Variants in KLF16 observed in about 807,000 individuals in gnomAD.
The protein encoded by KLF16 is KLF transcription factor 16, also known as Krueppel-like factor 16.
A neutral mutation model predicts 6.1 loss-of-function variants in KLF16; 6 were observed. The ratio of observed to expected loss-of-function variants is 0.98; its 90% CI spans 0.54 to 1.93. The LOEUF is 1.93. Among genes scored for constraint, KLF16 ranks in the 30% most tolerant of loss-of-function variants. The pLI is 0.01. For missense variants in KLF16, 355 were observed against 363.8 expected (o/e 0.98, Z 0.20); for synonymous variants, 211 against 176.5 (o/e 1.20, Z -1.55).
upstream of KLF16, among the ~76,000 whole-genome samples, chr19:1,867,740 G>A (rs998982519): frequency 6.6e-6 from 1 of 152,108 alleles, no homozygotes; most frequent in Non-Finnish European, 1.5e-5. Context: ...GTGGGGGGCC[G>A]CCTGTAATCC....
At chr19:1,861,647 TC>T (rs1038973399) in intron 1 of KLF16, 10 of 152,292 alleles carry the variant, frequency 6.6e-5, no homozygotes, top group African/African-American at 2.4e-4. Context: ...GGGCAGAGCC[TC>T]CAGGCCCCTG....
chr19:1,857,970 G>A lies in KLF16; in HGVS notation c.458-3210C>T, dbSNP rs1216523810. On this transcript the variant is annotated intron_variant, in intron 1 of 1. Transcript: ENST00000250916. The surrounding 1 kb of genome is among the most constrained non-coding windows in gnomAD (Gnocchi z 4.7). Reference sequence around the variant, plus strand: ...CCTGCCAGCCTGGGGGTGGGGTCTCGAATACTACTGGGCCATAGCAACCCC... The same window carrying A: ...CCTGCCAGCCTGGGGGTGGGGTCTCAAATACTACTGGGCCATAGCAACCCC... 1.3e-5 allele frequency among the ~76,000 whole-genome samples: 2 copies of A among 151,936 alleles called. No individual in the cohort carries two copies. The highest frequency in any genetic ancestry group is 2.1e-4 in the South Asian group (1 of 4,824).
chr19:1,869,558 C>T, the KLF16 span, among the ~76,000 whole-genome samples: 1 of 152,228 alleles, frequency 6.6e-6, no homozygotes, highest in Non-Finnish European at 1.5e-5. Flanking sequence ...GGATTCTCTG[C>T]ACCACCCGTG....
rs1191701642 is a variant in KLF16 at position 1,857,400 on chromosome 19, C to A, written c.458-2640G>T. Among the ~76,000 whole-genome samples the A allele has an allele frequency of 6.6e-6, 1 of 152,160 alleles. No homozygotes were observed. Among genetic ancestry groups the A allele is most frequent in the African/African-American group, 2.4e-5 (1 of 41,428 alleles). ...GCCGAGACGCAGCGCCCTGAGGATG[C>A]GGTGGGTGGGGACAACGCGGGAGGG... On this transcript the variant is annotated intron_variant, in intron 1 of 1. Coordinates refer to ENST00000250916, the MANE Select transcript of KLF16 (RefSeq NM_031918.4). The surrounding 1 kb of genome is among the most constrained non-coding windows in gnomAD (Gnocchi z 4.7).
chr19:1,863,012 G>T, intron 1 of KLF16, 29 bp downstream of exon 1: 14 of 1,259,648 alleles, frequency 1.1e-5, no homozygotes, highest in Non-Finnish European at 1.4e-5. Flanking sequence ...GGCCGCCCCC[G>T]CAAGGGCCGG....
the KLF16 span, among the ~76,000 whole-genome samples, chr19:1,873,215 G>A: frequency 0.022 from 3,359 of 152,294 alleles, 126 homozygotes; most frequent in African/African-American, 0.077. Flanking sequence ...CAGCCACAGC[G>A]TCATAAGAGC....
the KLF16 span, among the ~76,000 whole-genome samples, chr19:1,876,494 C>CA: frequency 6.6e-6 from 1 of 152,220 alleles, no homozygotes; most frequent in African/African-American, 2.4e-5. Flanking sequence ...CCTCGGGGCC[C>CA]AAGCACCTGC....
chr19:1,855,440 C>T (rs879519305), intron 1 of KLF16, among the ~76,000 whole-genome samples: 32 of 143,868 alleles, frequency 2.2e-4, no homozygotes, highest in South Asian at 9.9e-4. Flanking sequence ...CGGGGTCTCC[C>T]GGGAAGGGGC....
chr19:1,853,732 CACT>C lies in KLF16; in HGVS notation c.*724_*726del, dbSNP rs1340032441. 1 of 152,566 alleles carries C rather than the reference CACT, an allele frequency of 6.6e-6. No homozygotes were observed. Among genetic ancestry groups the C allele is most frequent in the Non-Finnish European group, 1.5e-5 (1 of 68,084 alleles). 9.5% of individuals were successfully genotyped at this position (152,566 alleles called of 1,614,324 possible). ...ATAAGCCAGGATTCCCTCCCGACCC[CACT>C]GAGTCAAATGTTCTTTGGAAGAACC... On this transcript the variant is annotated 3_prime_UTR_variant, in exon 2 of 2. Transcript: ENST00000250916.
chr19:1,866,938 A>T (rs1568736299), upstream of KLF16, among the ~76,000 whole-genome samples: 1 of 152,126 alleles, frequency 6.6e-6, no homozygotes, highest in Non-Finnish European at 1.5e-5. Flanking sequence ...CCTGTTCCTC[A>T]CCTATAAATG....
At chr19:1,858,702 C>T (rs1476681364) in intron 1 of KLF16, among the ~76,000 whole-genome samples, 5 of 152,074 alleles carry the variant, frequency 3.3e-5, no homozygotes, top group African/African-American at 1.2e-4. Flanking sequence ...CTACTCCCTT[C>T]TACATAAAAG....
At chr19:1,862,964 C>T (rs1300994058) in intron 1 of KLF16, 77 bp downstream of exon 1, 6 of 904,788 alleles carry the variant, frequency 6.6e-6, no homozygotes, top group African/African-American at 5.5e-5. Context: ...CCACGCGCCA[C>T]GCAGTTTCGG....
upstream of KLF16, among the ~76,000 whole-genome samples, chr19:1,864,705 G>A (rs2012155947): frequency 1.3e-5 from 2 of 151,254 alleles, no homozygotes; most frequent in Non-Finnish European, 3.0e-5. Context: ...GAAAACTGAG[G>A]CCAGGTATTC....
At chr19:1,862,978 C>T in intron 1 of KLF16, 63 bp downstream of exon 1, 1 of 1,061,740 alleles carries the variant, frequency 9.4e-7, no homozygotes, top group Non-Finnish European at 1.2e-6. Flanking sequence ...GTTTCGGGGT[C>T]CTGGCGGGGG....
At position 1,857,437 on chromosome 19, in the gene KLF16, G is replaced by A. The variant is rs922887543; in HGVS notation, c.458-2677C>T. ...ACAACGCGGGAGGGCAGTGTGGGCG[G>A]GGCCGCGGTGGACTTGACCCTCTGA... On this transcript the variant is annotated intron_variant, in intron 1 of 1. Transcript: ENST00000250916. This position sits in a 1 kb window ranked among gnomAD's most constrained non-coding sequence, Gnocchi z 4.7. Among the ~76,000 whole-genome samples, 2 of 152,238 alleles carry A rather than the reference G, an allele frequency of 1.3e-5. No homozygotes were observed. The highest frequency in any genetic ancestry group is 4.8e-5 in the African/African-American group (2 of 41,460).
In KLF16 at chr19:1,857,890, T is replaced by C. The variant is rs759480019; in HGVS notation, c.458-3130A>G. ...CCTTGAGCAGGTTCTATAGAACCTA[T>C]AGGCAGCTGCTTCTGGGAGCCGCTG... is the stretch of plus-strand genomic sequence containing the variant. On this transcript the variant is annotated intron_variant, in intron 1 of 1. Coordinates refer to ENST00000250916, the MANE Select transcript of KLF16 (RefSeq NM_031918.4). This position sits in a 1 kb window ranked among gnomAD's most constrained non-coding sequence, Gnocchi z 4.7. 6.6e-6 allele frequency among the ~76,000 whole-genome samples: 1 copy of C among 151,962 alleles called. No homozygotes were observed. The highest frequency in any genetic ancestry group is 2.4e-5 in the African/African-American group (1 of 41,356).
chr19:1,854,296 G>C lies in KLF16; in HGVS notation c.*163C>G. 1 of 839,682 alleles carries C rather than the reference G, an allele frequency of 1.2e-6. No homozygotes were observed. Among genetic ancestry groups the C allele is most frequent in the Non-Finnish European group, 1.7e-6 (1 of 604,072 alleles). 52.0% of individuals were successfully genotyped at this position (839,682 alleles called of 1,614,324 possible). ...TGAGAGCCACCTCTGAGGTCAGGCA[G>C]ACCCAGGTCCAGTCTCAGGCCCCCT... On this transcript the variant is annotated 3_prime_UTR_variant, in exon 2 of 2. Transcript: ENST00000250916.
At position 1,852,414 on chromosome 19, in the gene KLF16, G is replaced by C. The variant is rs750089313; in HGVS notation, c.*2045C>G. 1.3e-5 allele frequency: 2 copies of C among 152,104 alleles called. No homozygotes were observed. 9.4% of individuals were successfully genotyped at this position (152,104 alleles called of 1,614,324 possible). ...CACGCTGGAGTAGGGTTTAAAAAGGGGCTTGTTTAATTAATTAAATACAAG... is the reference window on the plus strand; with the variant it reads ...CACGCTGGAGTAGGGTTTAAAAAGGCGCTTGTTTAATTAATTAAATACAAG... On this transcript the variant is annotated 3_prime_UTR_variant, in exon 2 of 2. Transcript: ENST00000250916.
chr19:1,865,961 C>CCT (rs2012182477), upstream of KLF16, among the ~76,000 whole-genome samples: 1 of 152,174 alleles, frequency 6.6e-6, no homozygotes, highest in South Asian at 2.1e-4. Context: ...GCTATCAGTT[C>CCT]AAGACCAGCC....
Sources: gnomAD v4.1 joint callset for allele counts (sites outside exome capture counted in the v4.1 genomes callset) on GRCh38, gnomAD v4.1.1 for gene constraint, Gnocchi (gnomAD v3.1) non-coding constraint, MANE v1.5 for transcripts, NCBI Gene and HGNC (gene_info 2026-07-23, HGNC 2026-07-21) for gene names.